Variants in COL4A6 observed in about 807,000 individuals in gnomAD.
COL4A6 encodes the protein collagen type IV alpha 6 chain.
In COL4A6, 59 loss-of-function variants were observed where a neutral mutation model predicts 126.7. The observed-to-expected ratio is 0.47, with a 90% CI of 0.38 to 0.58. The LOEUF is 0.58. COL4A6 is among the 20% of genes least tolerant of loss of function. COL4A6 has a pLI of 0.00. For missense variants in COL4A6, 1,285 were observed against 1,337.3 expected, an observed-to-expected ratio of 0.96 and a Z score of 0.61; for synonymous variants, 547 against 496.6, an observed-to-expected ratio of 1.10 and a Z score of -1.35.
chrX:108,417,168 T>C (rs1247985066), intron 2 of COL4A6, among the ~76,000 whole-genome samples: 1 of 111,217 alleles, frequency 9.0e-6, no homozygotes, highest in Non-Finnish European at 1.9e-5. Flanking sequence ...TACTGCAAGA[T>C]GGGAAAGGAG....
At chrX:108,378,894 G>A (rs946385128) in intron 2 of COL4A6, among the ~76,000 whole-genome samples, 1 of 112,511 alleles carries the variant, frequency 8.9e-6, no homozygotes, top group Admixed American at 9.4e-5. Flanking sequence ...GAGATAAGTA[G>A]TTGTGACAGA....
chrX:108,173,768 G>C (rs1341169326), intron 31 of COL4A6, among the ~76,000 whole-genome samples: 3 of 112,098 alleles, frequency 2.7e-5, no homozygotes, highest in Non-Finnish European at 5.6e-5. Flanking sequence ...AAGGTAAACA[G>C]TGTGCACAAG....
At chrX:108,294,383 T>C (rs1285413951) in intron 3 of COL4A6, among the ~76,000 whole-genome samples, 1 of 105,103 alleles carries the variant, frequency 9.5e-6, no homozygotes, top group East Asian at 3.4e-4. Flanking sequence ...AGAATAAATT[T>C]TGTTAGGGCA....
intron 9 of COL4A6, among the ~76,000 whole-genome samples, chrX:108,206,114 G>A (rs776102747): frequency 1.8e-5 from 2 of 111,502 alleles, no homozygotes; most frequent in South Asian, 7.7e-4. Context: ...GGGTAGGTAG[G>A]TAGAGCTGCC....
At chrX:108,317,205 G>A (rs1324640836) in intron 2 of COL4A6, among the ~76,000 whole-genome samples, 9 of 112,396 alleles carry the variant, frequency 8.0e-5, no homozygotes, top group African/African-American at 2.9e-4. Context: ...TGGATTGGAT[G>A]TGGGATGTGA....
chrX:108,355,820 G>T (rs1569440662), intron 2 of COL4A6, among the ~76,000 whole-genome samples: 1 of 112,090 alleles, frequency 8.9e-6, no homozygotes, highest in Non-Finnish European at 1.9e-5. Flanking sequence ...TTAGCAGGCA[G>T]ATAATAATAT....
At chrX:108,338,516 G>T (rs925966017) in intron 2 of COL4A6, among the ~76,000 whole-genome samples, 1 of 112,146 alleles carries the variant, frequency 8.9e-6, no homozygotes, top group Non-Finnish European at 1.9e-5. Context: ...TTGCTTGAAG[G>T]TATAGAAAAG....
At chrX:108,304,563 A>G (rs991039824) in intron 3 of COL4A6, among the ~76,000 whole-genome samples, 52 of 111,976 alleles carry the variant, frequency 4.6e-4, no homozygotes, top group African/African-American at 1.6e-3. Flanking sequence ...GGTGGAAACA[A>G]CGTCACAAAG....
intron 2 of COL4A6, among the ~76,000 whole-genome samples, chrX:108,336,777 A>C (rs1175129474): frequency 9.0e-6 from 1 of 111,305 alleles, no homozygotes; most frequent in Non-Finnish European, 1.9e-5. Flanking sequence ...CATGGTTAAA[A>C]ATTAGATTGC....
At position 108,279,450 on chromosome X, in the gene COL4A6, A is replaced by C. The variant is rs181011880; in HGVS notation, c.144+31298T>G. 3.9e-3 allele frequency among the ~76,000 whole-genome samples: 443 copies of C among 112,173 alleles called. 2 individuals are homozygous for C. The highest frequency in any genetic ancestry group is 0.013 in the African/African-American group (414 of 30,846). On this transcript the variant is annotated intron_variant, in intron 3 of 44. Transcript: ENST00000334504. The stretch of plus-strand genomic sequence containing the variant: ...TTCAACAAGAAGAGCTAACTATCCT[A>C]AATATATATGCACCCAATACAGGAG...
rs138668707 is a variant in COL4A6, at chrX:108,283,619, G to C, written c.144+27129C>G. Among the ~76,000 whole-genome samples, 952 of 110,115 alleles carry C rather than the reference G, an allele frequency of 8.6e-3. 21 individuals are homozygous for C. The highest frequency in any genetic ancestry group is 0.03 in the African/African-American group (891 of 30,160). The stretch of plus-strand genomic sequence containing the variant: ...GGGGTTGGCGGCGGGGATGCGGGGA[G>C]TGGAATGAGTCTCAAAGACTATCTT... On this transcript the variant is annotated intron_variant, in intron 3 of 44. Coordinates refer to ENST00000334504, the MANE Select transcript of COL4A6 (RefSeq NM_033641.4).
At chrX:108,232,890 CCAAACAAA>C (rs749299696) in intron 3 of COL4A6, among the ~76,000 whole-genome samples, 2 of 110,948 alleles carry the variant, frequency 1.8e-5, no homozygotes, top group African/African-American at 6.6e-5. Flanking sequence ...CAATTGTCCA[CCAAACAAA>C]CAAACAAACA....
Position 108,157,171 on chromosome X carries a change from T to C in COL4A6, c.4902A>G (p.Glu1634=). The C allele has an allele frequency of 3.3e-6, 4 of 1,211,951 alleles. No individual in the cohort carries two copies. The highest frequency in any genetic ancestry group is 5.9e-5 in the East Asian group (2 of 33,839). The change falls in exon 45 of 45, where the codon GAA becomes GAG. Residue 1634 remains glutamate (E), a synonymous_variant. Coordinates refer to ENST00000334504, the MANE Select transcript of COL4A6 (RefSeq NM_033641.4). ...LEDFRATPFI[E]CSGARGTCHY... is the part of the protein sequence containing the mutation. ...GGCAGGTGCCTCGGGCACCACTGCA[T>C]TCGATGAAAGGAGTGGCCCGAAAGT...
At chrX:108,383,569 G>A (rs1304493384) in intron 2 of COL4A6, 16 of 470,470 alleles carry the variant, frequency 3.4e-5, no homozygotes, top group Middle Eastern at 3.4e-4. Context: ...ACTCTGCAAC[G>A]AATGCGAGGC....
chrX:108,190,314 G>A, intron 20 of COL4A6, 78 bp downstream of exon 20: 1 of 647,925 alleles, frequency 1.5e-6, no homozygotes, highest in African/African-American at 2.2e-5. Flanking sequence ...GGTTCCCGAG[G>A]CTGTTGGTTT....
chrX:108,337,213 T>C (rs2039452317), intron 2 of COL4A6, among the ~76,000 whole-genome samples: 1 of 111,854 alleles, frequency 8.9e-6, no homozygotes, highest in Non-Finnish European at 1.9e-5. Flanking sequence ...TTATTTTACA[T>C]GTGTATATAT....
chrX:108,158,938 T>C (rs2033826001), intron 44 of COL4A6, among the ~76,000 whole-genome samples: 1 of 112,530 alleles, frequency 8.9e-6, no homozygotes, highest in Non-Finnish European at 1.9e-5. Context: ...GGCTGGCCGC[T>C]GCCTTCACAC....
chrX:108,221,463 A>T, intron 3 of COL4A6, 89 bp from the exon 4 acceptor site: 1 of 1,023,706 alleles, frequency 9.8e-7, no homozygotes, highest in Non-Finnish European at 1.3e-6. Context: ...CACTGTCATA[A>T]CTTCACTGAA....
At chrX:108,338,005 C>T (rs1031633759) in intron 2 of COL4A6, among the ~76,000 whole-genome samples, 1 of 110,421 alleles carries the variant, frequency 9.1e-6, no homozygotes, top group Non-Finnish European at 1.9e-5. Context: ...CTAAGAAGTC[C>T]AATTAGCTGG....
Sources: gnomAD v4.1 joint callset for allele counts (sites outside exome capture counted in the v4.1 genomes callset) on GRCh38, gnomAD v4.1.1 for gene constraint, MANE v1.5 for transcripts, NCBI Gene and HGNC (gene_info 2026-07-23, HGNC 2026-07-21) for gene names.